The following CDH22 variants were observed in gnomAD, a reference collection of about 807,000 sequenced individuals.
CDH22 encodes the protein cadherin-22.
In CDH22, 30 loss-of-function variants were observed where a neutral mutation model predicts 58.4. The ratio of observed to expected loss-of-function variants is 0.51; its 90% CI spans 0.38 to 0.70. The LOEUF is 0.70. Among genes scored for constraint, CDH22 ranks in the 30% least tolerant of loss-of-function variants. CDH22 has a pLI of 0.00. For missense variants in CDH22, 1,014 were observed against 1,233.9 expected, an observed-to-expected ratio of 0.82 and a Z score of 2.67; for synonymous variants, 513 against 558.2, an observed-to-expected ratio of 0.92 and a Z score of 1.14.
intron 4 of CDH22, among the ~76,000 whole-genome samples, chr20:46,222,279 G>A (rs973799400): frequency 2.0e-5 from 3 of 152,158 alleles, no homozygotes; most frequent in African/African-American, 7.2e-5. Context: ...ATAGGGCCTG[G>A]CACACAGCAA....
chr20:46,192,585 G>T lies in CDH22; in HGVS notation c.1424-5638C>A, dbSNP rs1024554574. Among the ~76,000 whole-genome samples, 4 of 151,886 alleles carry T rather than the reference G, an allele frequency of 2.6e-5. No homozygotes were observed. In the South Asian group the frequency reaches 6.2e-4, roughly 24 times the overall value. Reference sequence around the variant, plus strand: ...AAGGAGAGTGGGGGGTGGAGTGGGAGGGGGAGAGAGAGAGAGGAGAGAGGT... The same window carrying T: ...AAGGAGAGTGGGGGGTGGAGTGGGATGGGGAGAGAGAGAGAGGAGAGAGGT... On this transcript the variant is annotated intron_variant, in intron 8 of 11. Coordinates refer to ENST00000537909, the MANE Select transcript of CDH22 (RefSeq NM_021248.3).
intron 1 of CDH22, among the ~76,000 whole-genome samples, chr20:46,290,409 T>C (rs1015346196): frequency 3.3e-5 from 5 of 152,104 alleles, no homozygotes; most frequent in Non-Finnish European, 2.9e-5. Context: ...CATTCTACAA[T>C]GCCCGGGACA....
intron 1 of CDH22, among the ~76,000 whole-genome samples, chr20:46,280,222 C>G (rs2086543805): frequency 6.6e-6 from 1 of 152,146 alleles, no homozygotes; most frequent in Admixed American, 6.5e-5. Flanking sequence ...GTGTTTGAGA[C>G]CAGCCTGATC....
chr20:46,184,777 G>A (rs1267855474), intron 10 of CDH22, among the ~76,000 whole-genome samples: 2 of 152,150 alleles, frequency 1.3e-5, no homozygotes, highest in South Asian at 2.1e-4. Context: ...ACCCGAGGCA[G>A]TAGGTGTTAC....
chr20:46,191,741 T>G (rs984263321), intron 8 of CDH22, among the ~76,000 whole-genome samples: 4 of 152,206 alleles, frequency 2.6e-5, no homozygotes, highest in African/African-American at 9.7e-5. Flanking sequence ...CACATGATGT[T>G]GCCTTTCTTG....
intron 4 of CDH22, among the ~76,000 whole-genome samples, chr20:46,219,572 G>A (rs1266002697): frequency 9.2e-5 from 14 of 152,152 alleles, no homozygotes; most frequent in Non-Finnish European, 1.3e-4. Flanking sequence ...AGCACTAACC[G>A]TCGCCTTAGT....
In CDH22 at chr20:46,210,186, C is replaced by G. The variant is rs965365487; in HGVS notation, c.1286+121G>C. On this transcript the variant is annotated intron_variant, in intron 7 of 11. Transcript: ENST00000537909. This position sits in a 1 kb window ranked among gnomAD's most constrained non-coding sequence, Gnocchi z 4.5. ...CGCCTCTCTCCGCGCCTCCCTCCCC[C>G]ACGCAGCCCCTTCCTTCGGCCCTGC... 18 of 1,062,990 alleles carry G rather than the reference C, an allele frequency of 1.7e-5. No homozygotes were observed. Among genetic ancestry groups the G allele is most frequent in the African/African-American group, 3.3e-5 (2 of 59,892 alleles). 65.8% of individuals were successfully genotyped at this position (1,062,990 alleles called of 1,614,324 possible).
At chr20:46,214,221 A>C (rs1457640930) in intron 5 of CDH22, among the ~76,000 whole-genome samples, 1 of 152,082 alleles carries the variant, frequency 6.6e-6, no homozygotes, top group Non-Finnish European at 1.5e-5. Context: ...GGGAAACCAG[A>C]AGGAATGAGA....
At chr20:46,235,255 G>T (rs575663719) in intron 3 of CDH22, among the ~76,000 whole-genome samples, 1 of 152,372 alleles carries the variant, frequency 6.6e-6, no homozygotes, top group Middle Eastern at 3.4e-3. Context: ...TGAGCTGGGT[G>T]TGGGAGACCT....
chr20:46,297,248 G>T (rs994919009), intron 1 of CDH22, among the ~76,000 whole-genome samples: 1 of 152,140 alleles, frequency 6.6e-6, no homozygotes, highest in South Asian at 2.1e-4. Flanking sequence ...AGGGATGCGG[G>T]CTCCTTGAGG....
rs575713009 is a variant in CDH22, at chr20:46,256,086, C to T, written c.-399-4393G>A. On this transcript the variant is annotated intron_variant, in intron 1 of 11. Transcript: ENST00000537909. ...CTGTGTGCGTGCGAACATGTGTCTG[C>T]AGTCACATATGTGACTGAGTGTGCA... Among the ~76,000 whole-genome samples, 3 of 152,324 alleles carry T rather than the reference C, an allele frequency of 2.0e-5. No individual in the cohort carries two copies. The East Asian group carries it at 5.8e-4, about 29-fold the overall frequency.
chr20:46,304,841 G>A (rs1442945752), intron 1 of CDH22, among the ~76,000 whole-genome samples: 1 of 152,192 alleles, frequency 6.6e-6, no homozygotes, highest in African/African-American at 2.4e-5. Context: ...CTTTTCTGGG[G>A]GTAAGCAGCC....
intron 1 of CDH22, among the ~76,000 whole-genome samples, chr20:46,273,695 T>C (rs1201750046): frequency 6.6e-6 from 1 of 151,970 alleles, no homozygotes; most frequent in African/African-American, 2.4e-5. Flanking sequence ...GGAGCGACAA[T>C]GGCAGGGGGT....
chr20:46,306,286 A>T (rs2086677336), intron 1 of CDH22, among the ~76,000 whole-genome samples: 1 of 152,340 alleles, frequency 6.6e-6, no homozygotes, highest in South Asian at 2.1e-4. Flanking sequence ...CTGGGTTCCT[A>T]TTCCGGCTCT....
At chr20:46,193,584 T>C (rs2085877110) in intron 8 of CDH22, among the ~76,000 whole-genome samples, 1 of 152,146 alleles carries the variant, frequency 6.6e-6, no homozygotes, top group Non-Finnish European at 1.5e-5. Context: ...CTCCAGGAGA[T>C]GTCTGGTTCC....
intron 1 of CDH22, among the ~76,000 whole-genome samples, chr20:46,290,813 G>T (rs990977794): frequency 6.6e-6 from 1 of 152,104 alleles, no homozygotes; most frequent in Admixed American, 6.6e-5. Flanking sequence ...TAATAGTTTT[G>T]CAGAGTTGCA....
intron 1 of CDH22, among the ~76,000 whole-genome samples, chr20:46,285,965 G>C (rs2425858): frequency 0.63 from 95,355 of 152,070 alleles, 30,435 homozygotes; most frequent in South Asian, 0.75. Context: ...CAGGCTGTCT[G>C]TCCCAGCATT....
chr20:46,286,342 G>A (rs1416950889), intron 1 of CDH22, among the ~76,000 whole-genome samples: 5 of 152,074 alleles, frequency 3.3e-5, no homozygotes, highest in Admixed American at 3.3e-4. Flanking sequence ...ACCACGCCTG[G>A]CCCTCAAGCC....
chr20:46,194,890 C>G (rs761744338), intron 8 of CDH22, among the ~76,000 whole-genome samples: 1 of 152,122 alleles, frequency 6.6e-6, no homozygotes, highest in Admixed American at 6.5e-5. Flanking sequence ...CCACCACACC[C>G]GGCTAATTTT....
Sources: gnomAD v4.1 joint callset for allele counts (sites outside exome capture counted in the v4.1 genomes callset) on GRCh38, gnomAD v4.1.1 for gene constraint, Gnocchi (gnomAD v3.1) non-coding constraint, MANE v1.5 for transcripts, NCBI Gene and HGNC (gene_info 2026-07-23, HGNC 2026-07-21) for gene names.